HSPA14: variants seen among roughly 807,000 people sequenced by gnomAD.
HSPA14 encodes heat shock 70 kDa protein 14.
Under a neutral mutation model 65.5 loss-of-function variants are expected in HSPA14, and 37 were observed. The ratio of observed to expected loss-of-function variants is 0.56; its 90% CI spans 0.43 to 0.74. The LOEUF (loss-of-function observed/expected upper bound fraction) is 0.74. Among genes scored for constraint, HSPA14 ranks in the 30% least tolerant of loss-of-function variants. HSPA14 has a pLI of 0.00. For synonymous variants in HSPA14, 203 were observed against 214.2 expected (o/e 0.95, Z 0.46); for missense variants, 564 against 607.6 (o/e 0.93, Z 0.75).
intron 10 of HSPA14, among the ~76,000 whole-genome samples, chr10:14,858,613 G>T (rs1832726816): frequency 6.6e-6 from 1 of 152,208 alleles, no homozygotes; most frequent in African/African-American, 2.4e-5. Flanking sequence ...ATAGGTGCAT[G>T]TCAGTGCATT....
intron 10 of HSPA14, among the ~76,000 whole-genome samples, chr10:14,860,526 C>G (rs563234818): frequency 3.1e-4 from 47 of 152,122 alleles, no homozygotes; most frequent in South Asian, 1.2e-3. Context: ...TGATCAGAGT[C>G]CTGAATGAAG....
intron 3 of HSPA14, chr10:14,846,455 T>G: frequency 5.1e-6 from 5 of 985,284 alleles, no homozygotes; most frequent in Non-Finnish European, 6.0e-6. Context: ...GGAAAGGTCT[T>G]GAATAAGTAC....
Position 14,842,120 on chromosome 10 carries a change from CT to C in HSPA14, c.221+1964del. On this transcript the variant is annotated intron_variant, in intron 3 of 13. Coordinates refer to ENST00000378372, the MANE Select transcript of HSPA14 (RefSeq NM_016299.4). The surrounding 1 kb of genome is among the most constrained non-coding windows in gnomAD (Gnocchi z 5.2). ...CACCCTTCCTGTAACTCTCATTCCCCTGTGGCCTTCCAGCCAGAAATGCGGT... is the reference window on the plus strand; with the variant it reads ...CACCCTTCCTGTAACTCTCATTCCCCGTGGCCTTCCAGCCAGAAATGCGGT... 1 of 1,522,092 alleles carries C rather than the reference CT, an allele frequency of 6.6e-7. No homozygotes were observed. Among genetic ancestry groups the C allele is most frequent in the Non-Finnish European group, 8.8e-7 (1 of 1,135,588 alleles). 94.3% of individuals were successfully genotyped at this position (1,522,092 alleles called of 1,614,324 possible). A position where few individuals can be genotyped will look rare whatever the true frequency, so the allele number is the denominator to read the frequency against.
chr10:14,868,128 T>C (rs182941054), intron 12 of HSPA14, among the ~76,000 whole-genome samples: 49 of 152,314 alleles, frequency 3.2e-4, no homozygotes, highest in African/African-American at 9.9e-4. Context: ...GTTCTGGGTA[T>C]TTAGACTGCT....
chr10:14,864,723 C>G (rs535743447), intron 10 of HSPA14, among the ~76,000 whole-genome samples: 1 of 152,144 alleles, frequency 6.6e-6, no homozygotes, highest in Non-Finnish European at 1.5e-5. Flanking sequence ...CCAGTCTATC[C>G]TTATCAGACA....
At chr10:14,854,389 C>G (rs1024232908) in intron 9 of HSPA14, 109 bp downstream of exon 9, 8 of 859,712 alleles carry the variant, frequency 9.3e-6, no homozygotes, top group Non-Finnish European at 1.2e-5. Flanking sequence ...ATTTATCAAC[C>G]ATCTATAATG....
At chr10:14,847,852 CTG>C (rs1564321465) in intron 3 of HSPA14, among the ~76,000 whole-genome samples, 1 of 152,190 alleles carries the variant, frequency 6.6e-6, no homozygotes, top group Non-Finnish European at 1.5e-5. Flanking sequence ...GACAGAAGAA[CTG>C]TGATCATTTA....
At chr10:14,843,865 C>T in intron 3 of HSPA14, 1 of 1,536,432 alleles carries the variant, frequency 6.5e-7, no homozygotes, top group Non-Finnish European at 8.7e-7. Flanking sequence ...AAAATTGCTT[C>T]AGAGGTTGAT....
chr10:14,846,223 A>T, intron 3 of HSPA14: 9 of 985,190 alleles, frequency 9.1e-6, no homozygotes, highest in Non-Finnish European at 9.6e-6. Context: ...TGTGTCAATT[A>T]TAGGTAGGTA....
At position 14,867,897 on chromosome 10, in the gene HSPA14, C is replaced by T; in HGVS notation, c.1368C>T (p.Thr456=). The T allele has an allele frequency of 4.3e-6, 7 of 1,612,992 alleles. No individual in the cohort carries two copies. The highest frequency in any genetic ancestry group is 5.9e-6 in the Non-Finnish European group (7 of 1,179,600). The change falls in exon 12 of 14, where the codon ACC becomes ACT. Residue 456 remains threonine, a synonymous_variant. Transcript: ENST00000378372. The stretch of plus-strand genomic sequence containing the variant: ...GGAAGAACTCTGCCAAAGAGGAAAC[C>T]AAGTTTGCACAGGTGAATACATAAA... ...SDGKNSAKEE[T]KFAQVVLQDL... is the part of the protein sequence containing the mutation.
At chr10:14,845,955 A>G in intron 3 of HSPA14, 3 of 875,104 alleles carry the variant, frequency 3.4e-6, no homozygotes, top group African/African-American at 3.6e-5. Flanking sequence ...AATTTGAAAT[A>G]GCATAATAAA....
intron 12 of HSPA14, among the ~76,000 whole-genome samples, chr10:14,869,570 C>T (rs1158373435): frequency 6.6e-6 from 1 of 152,230 alleles, no homozygotes; most frequent in East Asian, 1.9e-4. Context: ...GCTGGGATTA[C>T]AGGCATGAGC....
chr10:14,839,971 T>C lies in HSPA14; in HGVS notation c.124T>C (p.Ser42Pro). 1 of 1,611,780 alleles carries C rather than the reference T, an allele frequency of 6.2e-7. No individual in the cohort carries two copies. The highest frequency in any genetic ancestry group is 8.5e-7 in the Non-Finnish European group (1 of 1,178,614). The change falls in exon 2 of 14, where the codon TCA becomes CCA. Residue 42 changes from serine (S) to proline (P), a missense_variant. Ser to Pro is a moderately conservative substitution (Grantham distance 74, BLOSUM62 -1). Transcript: ENST00000378372. ...DRVTPAVVAY[S>P]ENEEIVGLAA... ...AGTTACTCCAGCTGTTGTTGCTTACTCAGAAAATGAAGAGGTACTAGTCCC... is the reference window on the plus strand; with the variant it reads ...AGTTACTCCAGCTGTTGTTGCTTACCCAGAAAATGAAGAGGTACTAGTCCC...
chr10:14,853,986 G>A lies in HSPA14; in HGVS notation c.735-139G>A, dbSNP rs554586479. On this transcript the variant is annotated intron_variant, in intron 8 of 13. Coordinates refer to ENST00000378372, the MANE Select transcript of HSPA14 (RefSeq NM_016299.4). Reference sequence around the variant, plus strand: ...CTACCCATCTCAGCCTCCCAAAGTTGGGATTACACGCGTGAGCCACCGCAC... The same window carrying A: ...CTACCCATCTCAGCCTCCCAAAGTTAGGATTACACGCGTGAGCCACCGCAC... The A allele has an allele frequency of 1.9e-5, 13 of 675,816 alleles. No individual in the cohort carries two copies. The African/African-American group carries it at 2.1e-4, about 11-fold the overall frequency. 41.9% of individuals were successfully genotyped at this position (675,816 alleles called of 1,614,324 possible).
intron 10 of HSPA14, among the ~76,000 whole-genome samples, chr10:14,863,241 T>C (rs1384777367): frequency 6.6e-6 from 1 of 152,228 alleles, no homozygotes; most frequent in Non-Finnish European, 1.5e-5. Context: ...AAAGATTAGA[T>C]GGACCATTTC....
At chr10:14,843,476 A>G (rs952524028) in intron 3 of HSPA14, 18 of 1,550,360 alleles carry the variant, frequency 1.2e-5, no homozygotes, top group Middle Eastern at 1.7e-4. Flanking sequence ...GTGTCCGGGG[A>G]GCCCAGCCCC....
At chr10:14,851,133 T>C in intron 6 of HSPA14, 86 bp from the exon 7 acceptor site, 1 of 756,100 alleles carries the variant, frequency 1.3e-6, no homozygotes, top group Non-Finnish European at 2.3e-6. Flanking sequence ...TAGTAGCTTT[T>C]GTATAAAATC....
intron 10 of HSPA14, among the ~76,000 whole-genome samples, chr10:14,864,679 A>G (rs1407573673): frequency 6.6e-6 from 1 of 152,172 alleles, no homozygotes; most frequent in Non-Finnish European, 1.5e-5. Context: ...GCTGCATAGT[A>G]TTCCATGGTG....
chr10:14,856,428 C>G (rs539883635), intron 10 of HSPA14, among the ~76,000 whole-genome samples: 1 of 152,316 alleles, frequency 6.6e-6, no homozygotes, highest in South Asian at 2.1e-4. Flanking sequence ...GTTCCTGTGT[C>G]TCCTCATAAC....
Sources: gnomAD v4.1 joint callset for allele counts (sites outside exome capture counted in the v4.1 genomes callset) on GRCh38, gnomAD v4.1.1 for gene constraint, Gnocchi (gnomAD v3.1) non-coding constraint, MANE v1.5 for transcripts, NCBI Gene and HGNC (gene_info 2026-07-23, HGNC 2026-07-21) for gene names.